LRRTM3: variants seen among roughly 807,000 people sequenced by gnomAD.
The protein encoded by LRRTM3 is leucine rich repeat transmembrane neuronal 3.
LRRTM3 carries 24 observed loss-of-function variants against 44.7 expected under a neutral mutation model. That is an observed-to-expected ratio of 0.54 (90% CI 0.39 to 0.76). The LOEUF is 0.76. LRRTM3 is among the 30% of genes least tolerant of loss of function. The pLI, the probability that LRRTM3 is intolerant of heterozygous loss-of-function variation, is 0.00. For synonymous variants in LRRTM3, 277 were observed against 278.7 expected, an observed-to-expected ratio of 0.99 and a Z score of 0.06; for missense variants, 587 against 702.2, an observed-to-expected ratio of 0.84 and a Z score of 1.85.
chr10:67,014,867 T>C (rs990464595), intron 2 of LRRTM3, among the ~76,000 whole-genome samples: 4 of 152,078 alleles, frequency 2.6e-5, no homozygotes, highest in Non-Finnish European at 5.9e-5. Context: ...GATGTATACA[T>C]ACATAAGCCT....
chr10:67,058,737 C>G (rs1329695414), intron 2 of LRRTM3, among the ~76,000 whole-genome samples: 1 of 152,110 alleles, frequency 6.6e-6, no homozygotes, highest in Non-Finnish European at 1.5e-5. Flanking sequence ...CAAGGGTTAC[C>G]TGTTGTGTAT....
At chr10:67,040,607 T>TA (rs1212584615) in intron 2 of LRRTM3, among the ~76,000 whole-genome samples, 2 of 152,044 alleles carry the variant, frequency 1.3e-5, no homozygotes, top group Admixed American at 6.6e-5. Context: ...TTAGAGAAAA[T>TA]ATGTGTCTAT....
chr10:67,099,797 T>C lies in LRRTM3; in HGVS notation c.*2001T>C, dbSNP rs1589738209. ...CTTCAAAAATTTTTGTCATTTTAAA[T>C]CTAATTTTAATCTTTATGTTTTCCA... On this transcript the variant is annotated 3_prime_UTR_variant, in exon 3 of 3. Coordinates refer to ENST00000361320, the MANE Select transcript of LRRTM3 (RefSeq NM_178011.5). 1 of 152,140 alleles carries C rather than the reference T, an allele frequency of 6.6e-6. No individual in the cohort carries two copies. The highest frequency in any genetic ancestry group is 1.5e-5 in the Non-Finnish European group (1 of 67,800). The allele number at this position is 152,140 out of a possible 1,614,324, so 9.4% of individuals were successfully genotyped here.
intron 2 of LRRTM3, among the ~76,000 whole-genome samples, chr10:66,955,499 A>G (rs1848739626): frequency 6.6e-6 from 1 of 152,166 alleles, no homozygotes; most frequent in Non-Finnish European, 1.5e-5. Context: ...AAGTCGAGGG[A>G]GACAGAATTC....
At chr10:67,054,030 T>C (rs1163996640) in intron 2 of LRRTM3, among the ~76,000 whole-genome samples, 1 of 152,158 alleles carries the variant, frequency 6.6e-6, no homozygotes, top group Non-Finnish European at 1.5e-5. Flanking sequence ...ACTGACCAGT[T>C]TCCTTAATTC....
At chr10:66,998,608 T>C (rs928289429) in intron 2 of LRRTM3, among the ~76,000 whole-genome samples, 4 of 152,022 alleles carry the variant, frequency 2.6e-5, no homozygotes, top group East Asian at 3.9e-4. Flanking sequence ...AAAAGGCACA[T>C]TGGAAATAAA....
intron 2 of LRRTM3, among the ~76,000 whole-genome samples, chr10:66,948,194 G>C (rs972041114): frequency 6.6e-6 from 1 of 152,124 alleles, no homozygotes; most frequent in Non-Finnish European, 1.5e-5. Context: ...GGCTCTTCTC[G>C]AAATTCTCAA....
chr10:67,081,128 C>T (rs1162196561), intron 2 of LRRTM3, among the ~76,000 whole-genome samples: 1 of 152,144 alleles, frequency 6.6e-6, no homozygotes, highest in African/African-American at 2.4e-5. Context: ...TCAGTTCTGA[C>T]AGACAGAGCT....
chr10:67,022,881 T>G (rs1853118032), intron 2 of LRRTM3, among the ~76,000 whole-genome samples: 1 of 152,106 alleles, frequency 6.6e-6, no homozygotes, highest in African/African-American at 2.4e-5. Context: ...GAGGTTGCAG[T>G]GAGCCGAGAT....
intron 2 of LRRTM3, among the ~76,000 whole-genome samples, chr10:67,028,711 A>T (rs1379102909): frequency 6.6e-6 from 1 of 152,086 alleles, no homozygotes; most frequent in African/African-American, 2.4e-5. Context: ...ACTATTTAGA[A>T]CATTTAAAAT....
At chr10:67,004,679 C>T (rs534544970) in intron 2 of LRRTM3, among the ~76,000 whole-genome samples, 2 of 152,314 alleles carry the variant, frequency 1.3e-5, no homozygotes, top group African/African-American at 4.8e-5. Context: ...CTTAGTCTAA[C>T]AAATACTGCT....
At chr10:66,983,671 G>T (rs1030025806) in intron 2 of LRRTM3, among the ~76,000 whole-genome samples, 2 of 152,152 alleles carry the variant, frequency 1.3e-5, no homozygotes, top group South Asian at 2.1e-4. Flanking sequence ...CTTCAGAAAT[G>T]ACCTCAGGTG....
intron 2 of LRRTM3, among the ~76,000 whole-genome samples, chr10:67,067,951 T>C (rs1856194657): frequency 6.6e-6 from 1 of 152,214 alleles, no homozygotes; most frequent in African/African-American, 2.4e-5. Context: ...TAAAGGTTTG[T>C]CCTGGCTTCA....
At chr10:66,959,986 T>C (rs1256213662) in intron 2 of LRRTM3, among the ~76,000 whole-genome samples, 2 of 152,150 alleles carry the variant, frequency 1.3e-5, no homozygotes, top group South Asian at 4.1e-4. Context: ...AAGGCTAGTC[T>C]GTACTGAGTT....
chr10:67,089,792 C>T (rs1194444934), intron 2 of LRRTM3, among the ~76,000 whole-genome samples: 1 of 151,146 alleles, frequency 6.6e-6, no homozygotes, highest in Non-Finnish European at 1.5e-5. Context: ...CCTAGGCCCC[C>T]CATCCATTGC....
At chr10:66,966,255 T>C (rs1849404538) in intron 2 of LRRTM3, among the ~76,000 whole-genome samples, 1 of 152,138 alleles carries the variant, frequency 6.6e-6, no homozygotes, top group Non-Finnish European at 1.5e-5. Flanking sequence ...AAAAATAAGT[T>C]CCTTTTAAAT....
intron 2 of LRRTM3, among the ~76,000 whole-genome samples, chr10:66,979,366 T>G (rs900325145): frequency 2.0e-5 from 3 of 152,212 alleles, no homozygotes; most frequent in Non-Finnish European, 4.4e-5. Flanking sequence ...AGTTTTAATT[T>G]GCTCACAGTA....
intron 2 of LRRTM3, among the ~76,000 whole-genome samples, chr10:66,935,575 C>T (rs1162858942): frequency 1.3e-5 from 2 of 151,848 alleles, no homozygotes; most frequent in Non-Finnish European, 2.9e-5. Context: ...TGGCAGAGGA[C>T]ATATTACATA....
intron 2 of LRRTM3, among the ~76,000 whole-genome samples, chr10:66,985,484 A>G (rs1850677116): frequency 6.6e-6 from 1 of 152,140 alleles, no homozygotes; most frequent in South Asian, 2.1e-4. Flanking sequence ...AGGGGAAAGT[A>G]TACCCAGCCC....
Sources: allele counts gnomAD v4.1 joint callset (sites outside exome capture counted in the v4.1 genomes callset), GRCh38; gene constraint gnomAD v4.1.1; transcripts MANE v1.5; gene names NCBI Gene and HGNC (gene_info 2026-07-23, HGNC 2026-07-21).